Variants in VPS13B observed in about 807,000 individuals in gnomAD.
The protein encoded by VPS13B is vacuolar protein sorting 13 homolog B, also known as intermembrane lipid transfer protein VPS13B.
VPS13B carries 285 observed loss-of-function variants against 426.4 expected under a neutral mutation model. That is an observed-to-expected ratio of 0.67 (90% CI 0.61 to 0.74). The LOEUF (loss-of-function observed/expected upper bound fraction) is 0.74. VPS13B is among the 30% of genes least tolerant of loss of function. The probability of loss-of-function intolerance (pLI) is 0.00; values close to 1 mark genes in which losing one functional copy is unlikely to be tolerated. For missense variants in VPS13B, 4,537 were observed against 4,782.6 expected, an observed-to-expected ratio of 0.95 and a Z score of 1.51; for synonymous variants, 1,676 against 1,676.4, an observed-to-expected ratio of 1.00 and a Z score of 0.01.
chr8:99,707,229 T>C (rs766822387), intron 36 of VPS13B, among the ~76,000 whole-genome samples: 1 of 152,192 alleles, frequency 6.6e-6, no homozygotes, highest in Non-Finnish European at 1.5e-5. Context: ...CCAGCCCTGC[T>C]ACTTACTGAC....
intron 39 of VPS13B, among the ~76,000 whole-genome samples, chr8:99,755,843 CTTTG>C (rs1181723417): frequency 2.0e-5 from 3 of 151,704 alleles, no homozygotes; most frequent in African/African-American, 4.8e-5. Flanking sequence ...TTAAAGTTCC[CTTTG>C]TTTATTTACA....
intron 43 of VPS13B, among the ~76,000 whole-genome samples, chr8:99,807,611 C>G (rs1979116): frequency 0.019 from 2,920 of 151,280 alleles, 103 homozygotes; most frequent in African/African-American, 0.068. Flanking sequence ...TATTCTGGTA[C>G]TTTTATGTTG....
intron 35 of VPS13B, among the ~76,000 whole-genome samples, chr8:99,681,498 A>T (rs2129980641): frequency 6.6e-6 from 1 of 152,296 alleles, no homozygotes; most frequent in East Asian, 1.9e-4. Context: ...CCTGTATGGA[A>T]ACAAATATAC....
At chr8:99,682,216 G>A (rs1305258417) in intron 35 of VPS13B, among the ~76,000 whole-genome samples, 1 of 152,110 alleles carries the variant, frequency 6.6e-6, no homozygotes, top group Non-Finnish European at 1.5e-5. Flanking sequence ...TTTAATCCCA[G>A]CAATTTGGGA....
intron 17 of VPS13B, 110 bp downstream of exon 17, chr8:99,193,167 G>A: frequency 9.0e-7 from 1 of 1,110,280 alleles, no homozygotes; most frequent in Non-Finnish European, 1.3e-6. Flanking sequence ...ATTGTAATAT[G>A]TTTCTTTGAA....
intron 19 of VPS13B, among the ~76,000 whole-genome samples, chr8:99,333,045 T>G (rs1270562417): frequency 6.6e-6 from 1 of 151,778 alleles, no homozygotes; most frequent in East Asian, 1.9e-4. Flanking sequence ...GTATCAGAAG[T>G]CTTTTTAAAT....
chr8:99,686,411 G>T (rs951106091), intron 35 of VPS13B, among the ~76,000 whole-genome samples: 4 of 152,026 alleles, frequency 2.6e-5, no homozygotes, highest in African/African-American at 2.4e-5. Flanking sequence ...TCTATAACCT[G>T]CCAGGCTTGT....
At chr8:99,541,424 T>G (rs1823612019) in intron 30 of VPS13B, among the ~76,000 whole-genome samples, 1 of 152,146 alleles carries the variant, frequency 6.6e-6, no homozygotes, top group Non-Finnish European at 1.5e-5. Context: ...GGTGGTTTGC[T>G]GCACCTATCA....
At position 99,793,286 on chromosome 8, in the gene VPS13B, A is replaced by AT. The variant is rs1563919847; in HGVS notation, c.7941+8810_7941+8811insT. Among the ~76,000 whole-genome samples the AT allele has an allele frequency of 4.3e-5, 5 of 114,986 alleles. No individual in the cohort carries two copies. In the South Asian group the frequency reaches 1.3e-3, roughly 31 times the overall value. The allele number at this position is 114,986 out of a possible 152,430, so 75.4% of individuals were successfully genotyped here. On this transcript the variant is annotated intron_variant, in intron 43 of 61. Coordinates refer to ENST00000357162, the MANE Select transcript of VPS13B (RefSeq NM_152564.5). ...ATATATATATATATATATATATATA[A>AT]AATACATGATGGAAGAAAAAAGTAA...
intron 33 of VPS13B, among the ~76,000 whole-genome samples, chr8:99,601,005 T>C (rs2133856740): frequency 6.6e-6 from 1 of 152,140 alleles, no homozygotes; most frequent in South Asian, 2.1e-4. Flanking sequence ...CTTTTTTTAA[T>C]TTTTTTTATT....
intron 23 of VPS13B, among the ~76,000 whole-genome samples, chr8:99,443,436 A>G (rs889513199): frequency 6.6e-6 from 1 of 152,234 alleles, no homozygotes; most frequent in Non-Finnish European, 1.5e-5. Context: ...TTTTCTCTAT[A>G]CTGAAATTTC....
intron 3 of VPS13B, among the ~76,000 whole-genome samples, chr8:99,060,526 T>C (rs911310643): frequency 1.3e-5 from 2 of 151,992 alleles, no homozygotes; most frequent in African/African-American, 4.8e-5. Flanking sequence ...GGGGAATCAC[T>C]TGAACCTAGG....
At chr8:99,372,265 A>C (rs1358280446) in intron 19 of VPS13B, among the ~76,000 whole-genome samples, 4 of 149,104 alleles carry the variant, frequency 2.7e-5, no homozygotes, top group Non-Finnish European at 5.9e-5. Flanking sequence ...AAAAAAAAAA[A>C]CAAAAAACAC....
intron 33 of VPS13B, among the ~76,000 whole-genome samples, chr8:99,597,160 T>A (rs1162446266): frequency 6.6e-6 from 1 of 152,026 alleles, no homozygotes; most frequent in Non-Finnish European, 1.5e-5. Context: ...AGTTTCCTAT[T>A]CCATTGTGGT....
At chr8:99,436,813 A>C (rs2133425481) in intron 22 of VPS13B, among the ~76,000 whole-genome samples, 1 of 151,178 alleles carries the variant, frequency 6.6e-6, no homozygotes, top group African/African-American at 2.4e-5. Context: ...ATCTCGGCTC[A>C]CTGCAAGCTC....
intron 39 of VPS13B, among the ~76,000 whole-genome samples, chr8:99,750,086 G>A (rs1205012527): frequency 2.0e-5 from 3 of 152,004 alleles, no homozygotes; most frequent in African/African-American, 7.3e-5. Flanking sequence ...TTTATTTCCT[G>A]TCAGTGGATT....
intron 33 of VPS13B, among the ~76,000 whole-genome samples, chr8:99,616,848 A>C (rs531760888): frequency 2.0e-5 from 3 of 152,342 alleles, no homozygotes; most frequent in African/African-American, 7.2e-5. Context: ...AGAATGAAGA[A>C]AACTGGGAAT....
intron 20 of VPS13B, among the ~76,000 whole-genome samples, chr8:99,390,152 C>A (rs546593679): frequency 6.6e-4 from 99 of 150,692 alleles, no homozygotes; most frequent in African/African-American, 2.2e-3. Context: ...GGCTGTAGTG[C>A]AGTGGCATGA....
chr8:99,610,736 T>TA (rs71503485), intron 33 of VPS13B, among the ~76,000 whole-genome samples: 3 of 151,542 alleles, frequency 2.0e-5, no homozygotes, highest in Non-Finnish European at 2.9e-5. Flanking sequence ...TAAAGTATAA[T>TA]AAAAAAAAGT....
Sources: allele counts gnomAD v4.1 joint callset (sites outside exome capture counted in the v4.1 genomes callset), GRCh38; gene constraint gnomAD v4.1.1; transcripts MANE v1.5; gene names NCBI Gene and HGNC (gene_info 2026-07-23, HGNC 2026-07-21).